TMPRSS13: variants seen among roughly 807,000 people sequenced by gnomAD.
TMPRSS13 encodes the protein transmembrane serine protease 13.
Under a neutral mutation model 68.4 loss-of-function variants are expected in TMPRSS13, and 50 were observed. The observed-to-expected ratio is 0.73, with a 90% CI of 0.58 to 0.93. The LOEUF is 0.93. TMPRSS13 is among the 40% of genes least tolerant of loss of function. TMPRSS13 has a pLI of 0.00. For synonymous variants in TMPRSS13, 267 were observed against 285.8 expected (o/e 0.93, Z 0.66); for missense variants, 615 against 729.2 (o/e 0.84, Z 1.80).
At chr11:117,924,069 C>T (rs188920450) in intron 1 of TMPRSS13, among the ~76,000 whole-genome samples, 137 of 151,776 alleles carry the variant, frequency 9.0e-4, no homozygotes, top group Middle Eastern at 3.4e-3. Flanking sequence ...CTAAGCTGGG[C>T]GTGGTGGCGC....
chr11:117,919,208 G>A (rs549199079), intron 1 of TMPRSS13, among the ~76,000 whole-genome samples: 2 of 152,292 alleles, frequency 1.3e-5, no homozygotes, highest in South Asian at 4.1e-4. Context: ...AAGGGAATGT[G>A]GTCCCCCATG....
At chr11:117,905,400 C>T (rs2057454502) in intron 10 of TMPRSS13, among the ~76,000 whole-genome samples, 1 of 152,066 alleles carries the variant, frequency 6.6e-6, no homozygotes, top group African/African-American at 2.4e-5. Flanking sequence ...TCAACTAGTT[C>T]AACCACAGCA....
chr11:117,920,555 C>T (rs574034216), intron 1 of TMPRSS13, among the ~76,000 whole-genome samples: 43 of 152,118 alleles, frequency 2.8e-4, no homozygotes, highest in Non-Finnish European at 2.5e-4. Context: ...TGCAGTGCCG[C>T]GATCTTGGCT....
At chr11:117,928,346 GA>G (rs771566511) in intron 1 of TMPRSS13, among the ~76,000 whole-genome samples, 1 of 152,108 alleles carries the variant, frequency 6.6e-6, no homozygotes, top group East Asian at 1.9e-4. Flanking sequence ...AGAATGGTGG[GA>G]AAAAAATGAT....
intron 2 of TMPRSS13, 109 bp downstream of exon 2, chr11:117,918,300 C>A: frequency 9.7e-6 from 12 of 1,240,268 alleles, no homozygotes; most frequent in Non-Finnish European, 1.0e-5. Context: ...ACCTCCCCTT[C>A]CCCGCATCGT....
Position 117,909,965 on chromosome 11 carries a change from C to T in TMPRSS13, c.950G>A (p.Cys317Tyr). The change falls in exon 8 of 13, where the codon TGC becomes TAC. Residue 317 changes from cysteine (C) to tyrosine (Y), a missense_variant. Transcript: ENST00000524993. The part of the protein sequence containing the change: ...QRYISLQCSH[C>Y]GLRAMTGRIV... ...CCGCCCGGTCATGGCCCTCAGTCCG[C>T]AGTCTGGAGGGAAGGAGTAGACGTA... 1 of 1,613,864 alleles carries T rather than the reference C, an allele frequency of 6.2e-7. No individual in the cohort carries two copies. Among genetic ancestry groups the T allele is most frequent in the Non-Finnish European group, 8.5e-7 (1 of 1,179,784 alleles).
At chr11:117,929,253 G>A in intron 1 of TMPRSS13, 34 bp downstream of exon 1, 2 of 1,590,792 alleles carry the variant, frequency 1.3e-6, no homozygotes, top group South Asian at 2.3e-5. Flanking sequence ...TCAGCGCTGG[G>A]AGAATCTGGC....
At chr11:117,902,479 C>T (rs2057417341) in intron 12 of TMPRSS13, among the ~76,000 whole-genome samples, 1 of 152,230 alleles carries the variant, frequency 6.6e-6, no homozygotes, top group African/African-American at 2.4e-5. Context: ...CTATCTGAGC[C>T]CTCCCCTGTT....
At chr11:117,927,491 C>T (rs2057717961) in intron 1 of TMPRSS13, among the ~76,000 whole-genome samples, 1 of 152,302 alleles carries the variant, frequency 6.6e-6, no homozygotes, top group South Asian at 2.1e-4. Context: ...GACCCTTCTC[C>T]ACCTCTTTTC....
chr11:117,919,733 T>C (rs547685314), intron 1 of TMPRSS13, among the ~76,000 whole-genome samples: 29 of 152,098 alleles, frequency 1.9e-4, no homozygotes, highest in African/African-American at 6.0e-4. Context: ...CCCTGGGAGG[T>C]TGGTATTTTG....
At chr11:117,919,942 C>T (rs975777234) in intron 1 of TMPRSS13, among the ~76,000 whole-genome samples, 6 of 152,216 alleles carry the variant, frequency 3.9e-5, no homozygotes, top group East Asian at 1.9e-4. Context: ...AATGGGGCCC[C>T]CTGGCCCTGC....
intron 2 of TMPRSS13, 58 bp from the exon 3 acceptor site, chr11:117,917,332 A>G: frequency 7.2e-7 from 1 of 1,381,250 alleles, no homozygotes; most frequent in Non-Finnish European, 1.0e-6. Flanking sequence ...GACGAGATGG[A>G]GAGGGTGGGG....
chr11:117,902,902 G>A lies in TMPRSS13; in HGVS notation c.1678-637C>T, dbSNP rs538351976. ...AAGATGAGAGGGTGGAAGTGGGAGAGGGGACTCTCTAGGGTGGATCAAGTA... is the reference window on the plus strand; with the variant it reads ...AAGATGAGAGGGTGGAAGTGGGAGAAGGGACTCTCTAGGGTGGATCAAGTA... On this transcript the variant is annotated intron_variant, in intron 12 of 12. Transcript: ENST00000524993. The A allele has an allele frequency of 1.1e-5, 10 of 914,210 alleles. No individual in the cohort carries two copies. In the South Asian group the frequency reaches 3.2e-4, roughly 29 times the overall value. 56.6% of individuals were successfully genotyped at this position (914,210 alleles called of 1,614,324 possible).
rs771699067 is a variant in TMPRSS13 at position 117,918,646 on chromosome 11, C to T, written c.214G>A (p.Gly72Ser). The change falls in exon 2 of 13, where the codon GGC (glycine) becomes AGC (serine). Residue 72 changes from glycine (G) to serine (S), a missense_variant. By Grantham distance (56) the Gly-to-Ser change is moderately conservative (BLOSUM62 0). Coordinates refer to ENST00000524993, the MANE Select transcript of TMPRSS13 (RefSeq NM_001077263.3). ...AGTPPGRASPGRASPAQASPA... is the reference protein window; with the variant it reads ...AGTPPGRASPSRASPAQASPA... ...GATGCCTGGGCTGGAGATGCCCGGCCTGGAGATGCCCGGCCTGGAGGTGTA... is the reference window on the plus strand; with the variant it reads ...GATGCCTGGGCTGGAGATGCCCGGCTTGGAGATGCCCGGCCTGGAGGTGTA... 6 of 1,592,444 alleles carry T rather than the reference C, an allele frequency of 3.8e-6. No homozygotes were observed. The highest frequency in any genetic ancestry group is 2.3e-5 in the South Asian group (2 of 87,578).
At chr11:117,920,383 G>A (rs371360261) in intron 1 of TMPRSS13, among the ~76,000 whole-genome samples, 1 of 152,086 alleles carries the variant, frequency 6.6e-6, no homozygotes, top group East Asian at 1.9e-4. Context: ...CTGTCCCCCA[G>A]GCTGCAGTGC....
At chr11:117,917,061 G>A (rs569067744) in intron 3 of TMPRSS13, 109 bp downstream of exon 3, 36 of 879,014 alleles carry the variant, frequency 4.1e-5, no homozygotes, top group Admixed American at 3.3e-4. Flanking sequence ...CACAGTAGCC[G>A]GGTGAGTGGG....
At chr11:117,903,358 T>C in intron 12 of TMPRSS13, 1 of 1,518,542 alleles carries the variant, frequency 6.6e-7, no homozygotes, top group South Asian at 1.2e-5. Context: ...CAAAGTCCAT[T>C]GCAACCTTAC....
chr11:117,910,635 G>A (rs942519297), intron 7 of TMPRSS13, 72 bp downstream of exon 7: 7 of 1,464,840 alleles, frequency 4.8e-6, no homozygotes, highest in African/African-American at 4.2e-5. Flanking sequence ...CACCTCCCTT[G>A]GAGGAGTGCT....
At chr11:117,903,125 GAA>G in intron 12 of TMPRSS13, 2 of 1,300,248 alleles carry the variant, frequency 1.5e-6, no homozygotes, top group Non-Finnish European at 1.9e-6. Flanking sequence ...GAAAGGGAAA[GAA>G]TGGTAGTTCT....
Sources: gnomAD v4.1 joint callset for allele counts (sites outside exome capture counted in the v4.1 genomes callset) on GRCh38, gnomAD v4.1.1 for gene constraint, MANE v1.5 for transcripts, NCBI Gene and HGNC (gene_info 2026-07-23, HGNC 2026-07-21) for gene names.